Variants in MAGI2 observed in about 807,000 individuals in gnomAD.
The protein encoded by MAGI2 is membrane-associated guanylate kinase, WW and PDZ domain-containing protein 2.
A neutral mutation model predicts 133.3 loss-of-function variants in MAGI2; 35 were observed. The observed-to-expected ratio is 0.26, with a 90% CI of 0.20 to 0.35. The LOEUF is 0.35. Ranked by LOEUF, MAGI2 falls within the 10% of genes least tolerant of loss-of-function variation. The pLI, the probability that MAGI2 is intolerant of heterozygous loss-of-function variation, is 1.00. For missense variants in MAGI2, 1,636 were observed against 1,863.4 expected (o/e 0.88, Z 2.25); for synonymous variants, 729 against 710.6 (o/e 1.03, Z -0.41).
intron 2 of MAGI2, among the ~76,000 whole-genome samples, chr7:78,824,829 G>C (rs1223047724): frequency 6.6e-6 from 1 of 152,056 alleles, no homozygotes; most frequent in Non-Finnish European, 1.5e-5. Context: ...AGTGCCCATC[G>C]ATGATAGACT....
intron 2 of MAGI2, among the ~76,000 whole-genome samples, chr7:78,802,372 T>C (rs1788143686): frequency 6.6e-6 from 1 of 152,228 alleles, no homozygotes; most frequent in African/African-American, 2.4e-5. Flanking sequence ...GTGCAAAGTT[T>C]AAGGGTTTGT....
intron 1 of MAGI2, among the ~76,000 whole-genome samples, chr7:79,147,383 A>T (rs1027283503): frequency 6.6e-6 from 1 of 152,228 alleles, no homozygotes; most frequent in African/African-American, 2.4e-5. Flanking sequence ...CCCACAAGTC[A>T]TGCCCACCCT....
intron 19 of MAGI2, among the ~76,000 whole-genome samples, chr7:78,126,908 A>G (rs1821042994): frequency 6.6e-6 from 1 of 152,258 alleles, no homozygotes; most frequent in Non-Finnish European, 1.5e-5. Flanking sequence ...GAAACGTACA[A>G]GGAGTTAGCT....
intron 10 of MAGI2, among the ~76,000 whole-genome samples, chr7:78,240,119 G>A (rs964453996): frequency 6.6e-6 from 1 of 152,142 alleles, no homozygotes; most frequent in Non-Finnish European, 1.5e-5. Flanking sequence ...TTCTCCTAAT[G>A]CTATCCCTCC....
intron 1 of MAGI2, among the ~76,000 whole-genome samples, chr7:79,007,570 T>C (rs1393280180): frequency 6.6e-6 from 1 of 152,102 alleles, no homozygotes; most frequent in African/African-American, 2.4e-5. Context: ...CCCCATTCCA[T>C]CCTACCCCAA....
At chr7:78,487,808 C>T (rs182209901) in intron 6 of MAGI2, among the ~76,000 whole-genome samples, 1 of 152,156 alleles carries the variant, frequency 6.6e-6, no homozygotes, top group Admixed American at 6.5e-5. Flanking sequence ...TGTATTCCTG[C>T]ATTCAGAAAA....
chr7:78,290,200 G>A (rs1395881830), intron 9 of MAGI2, among the ~76,000 whole-genome samples: 1 of 152,144 alleles, frequency 6.6e-6, no homozygotes, highest in African/African-American at 2.4e-5. Flanking sequence ...GCTGTATTCA[G>A]GAGACCCATC....
intron 3 of MAGI2, among the ~76,000 whole-genome samples, chr7:78,533,146 C>CT (rs1450271079): frequency 2.0e-5 from 3 of 152,058 alleles, no homozygotes; most frequent in African/African-American, 7.2e-5. Flanking sequence ...TCAACTAATT[C>CT]TTTAAAGGTG....
At chr7:78,847,208 A>C (rs1026673915) in intron 2 of MAGI2, among the ~76,000 whole-genome samples, 7 of 151,992 alleles carry the variant, frequency 4.6e-5, no homozygotes, top group African/African-American at 1.7e-4. Context: ...TCATTTATTG[A>C]GTAACTTCCG....
At chr7:78,671,872 C>T (rs1450456562) in intron 2 of MAGI2, among the ~76,000 whole-genome samples, 1 of 152,146 alleles carries the variant, frequency 6.6e-6, no homozygotes, top group Non-Finnish European at 1.5e-5. Flanking sequence ...AGATATCACG[C>T]TTAATCTCTA....
chr7:78,150,861 T>C (rs1425228642), intron 16 of MAGI2, among the ~76,000 whole-genome samples: 2 of 152,168 alleles, frequency 1.3e-5, no homozygotes, highest in East Asian at 1.9e-4. Flanking sequence ...ACAGATTTTT[T>C]TGATAGATTG....
intron 5 of MAGI2, among the ~76,000 whole-genome samples, chr7:78,491,858 G>T (rs1278700471): frequency 6.9e-6 from 1 of 144,018 alleles, no homozygotes; most frequent in Non-Finnish European, 1.5e-5. Flanking sequence ...TTATAGACAT[G>T]CCTCCGTTCA....
At chr7:79,181,106 G>A (rs142967723) in intron 1 of MAGI2, among the ~76,000 whole-genome samples, 1 of 151,978 alleles carries the variant, frequency 6.6e-6, no homozygotes, top group African/African-American at 2.4e-5. Flanking sequence ...GGCACACGGT[G>A]TAAGCTGTCA....
chr7:79,010,433 TA>T (rs1412831577), intron 1 of MAGI2, among the ~76,000 whole-genome samples: 1 of 152,170 alleles, frequency 6.6e-6, no homozygotes, highest in Non-Finnish European at 1.5e-5. Flanking sequence ...ATTTCAGGTT[TA>T]AAAGTTAGCC....
chr7:78,482,131 T>C (rs1439066636), intron 6 of MAGI2, among the ~76,000 whole-genome samples: 1 of 151,818 alleles, frequency 6.6e-6, no homozygotes, highest in East Asian at 1.9e-4. Context: ...ATATGACAAA[T>C]AATCATATAA....
At chr7:79,029,377 T>A (rs919295269) in intron 1 of MAGI2, among the ~76,000 whole-genome samples, 1 of 152,182 alleles carries the variant, frequency 6.6e-6, no homozygotes, top group African/African-American at 2.4e-5. Context: ...ATTTTAGAGA[T>A]GTGATTAACT....
chr7:79,351,763 T>C (rs1314008469), intron 1 of MAGI2: 1 of 152,208 alleles, frequency 6.6e-6, no homozygotes, highest in Admixed American at 6.5e-5. Context: ...CTGTGCAGAA[T>C]TCACATAAGC....
intron 2 of MAGI2, among the ~76,000 whole-genome samples, chr7:78,724,927 C>A (rs10273632): frequency 0.069 from 10,445 of 151,904 alleles, 441 homozygotes; most frequent in African/African-American, 0.092. Context: ...TCTAAGTGCC[C>A]AATAATTTCT....
intron 20 of MAGI2, among the ~76,000 whole-genome samples, chr7:78,090,175 A>G (rs1368485869): frequency 1.3e-5 from 2 of 151,982 alleles, no homozygotes; most frequent in Admixed American, 6.6e-5. Context: ...TCCAGGGGAA[A>G]TTTATCCTCC....
Sources: gnomAD v4.1 joint callset for allele counts (sites outside exome capture counted in the v4.1 genomes callset) on GRCh38, gnomAD v4.1.1 for gene constraint, MANE v1.5 for transcripts, NCBI Gene and HGNC (gene_info 2026-07-23, HGNC 2026-07-21) for gene names.